Variants in BRD10 observed in about 807,000 individuals in gnomAD.
BRD10 encodes the protein bromodomain containing 10, also known as uncharacterized bromodomain-containing protein 10.
the BRD10 span, among the ~76,000 whole-genome samples, chr9:5,996,634 GTAAC>G: frequency 2.0e-5 from 3 of 152,248 alleles, no homozygotes; most frequent in African/African-American, 7.2e-5. Context: ...CCCGAGCCAT[GTAAC>G]TAATTTTTAA....
chr9:5,958,805 CA>C, the BRD10 span, among the ~76,000 whole-genome samples: 1 of 152,066 alleles, frequency 6.6e-6, no homozygotes, highest in African/African-American at 2.4e-5. Context: ...AGTAAAAACT[CA>C]AGGGTATTTG....
the BRD10 span, among the ~76,000 whole-genome samples, chr9:5,926,981 A>G: frequency 1.3e-5 from 2 of 152,158 alleles, no homozygotes; most frequent in African/African-American, 2.4e-5. Context: ...TAGGTTTTCA[A>G]TTATTGTTAA....
chr9:5,941,574 C>G, the BRD10 span, among the ~76,000 whole-genome samples: 1 of 152,122 alleles, frequency 6.6e-6, no homozygotes, highest in Admixed American at 6.6e-5. Context: ...ATCAAGTGAA[C>G]TGCGTATAAA....
chr9:5,973,814 C>G, the BRD10 span, among the ~76,000 whole-genome samples: 1 of 152,092 alleles, frequency 6.6e-6, no homozygotes, highest in East Asian at 1.9e-4. Flanking sequence ...CCCAGGAGGT[C>G]AAGGTTGCAG....
chr9:5,920,805 C>G, the BRD10 span: 9 of 1,614,004 alleles, frequency 5.6e-6, no homozygotes, highest in Non-Finnish European at 7.6e-6. Flanking sequence ...TTAGGAGACA[C>G]TACTGGTTGT....
At chr9:5,997,799 G>A in the BRD10 span, among the ~76,000 whole-genome samples, 1 of 152,098 alleles carries the variant, frequency 6.6e-6, no homozygotes, top group East Asian at 1.9e-4. Context: ...GCACTTATAG[G>A]TAGTGGGGTA....
chr9:5,899,072 A>C, the BRD10 span: 3 of 152,244 alleles, frequency 2.0e-5, no homozygotes, highest in Non-Finnish European at 4.4e-5. Flanking sequence ...GCTTAAAGCC[A>C]GGTAGCACTT....
chr9:5,888,326 T>C, the BRD10 span, among the ~76,000 whole-genome samples: 1 of 152,230 alleles, frequency 6.6e-6, no homozygotes, highest in South Asian at 2.1e-4. Flanking sequence ...ACTGTGATTT[T>C]TGCACTGTCG....
the BRD10 span, chr9:6,007,139 TGTGA>T: frequency 7.9e-6 from 12 of 1,528,088 alleles, no homozygotes; most frequent in African/African-American, 6.8e-5. Flanking sequence ...CTCGGGCACG[TGTGA>T]GTGTGTGTTT....
At chr9:5,908,743 T>C in the BRD10 span, 1 of 1,581,764 alleles carries the variant, frequency 6.3e-7, no homozygotes. Context: ...GCTGAAATTA[T>C]TTCTCTCACA....
the BRD10 span, among the ~76,000 whole-genome samples, chr9:5,911,039 A>G: frequency 9.9e-5 from 15 of 152,260 alleles, no homozygotes; most frequent in Admixed American, 7.2e-4. Flanking sequence ...GAAGCTTCTT[A>G]ACTTGATGTG....
the BRD10 span, among the ~76,000 whole-genome samples, chr9:5,880,802 T>A: frequency 2.0e-5 from 3 of 150,874 alleles, no homozygotes; most frequent in Non-Finnish European, 4.4e-5. Context: ...CTTCCCAGGC[T>A]CAAGCAATTC....
At chr9:5,913,215 T>G in the BRD10 span, among the ~76,000 whole-genome samples, 1 of 152,248 alleles carries the variant, frequency 6.6e-6, no homozygotes, top group Non-Finnish European at 1.5e-5. Context: ...TTATCTCTGG[T>G]GGAGACCAGT....
the BRD10 span, among the ~76,000 whole-genome samples, chr9:5,928,165 A>G: frequency 6.6e-6 from 1 of 152,026 alleles, no homozygotes; most frequent in Non-Finnish European, 1.5e-5. Context: ...ACTTTCTCTC[A>G]TACTCCACAT....
chr9:5,891,844 T>A, the BRD10 span, among the ~76,000 whole-genome samples: 1 of 152,318 alleles, frequency 6.6e-6, no homozygotes. Context: ...GTGGAGTGCC[T>A]GGGGACAGGC....
the BRD10 span, among the ~76,000 whole-genome samples, chr9:5,931,460 T>G: frequency 6.6e-6 from 1 of 152,218 alleles, no homozygotes; most frequent in Non-Finnish European, 1.5e-5. Flanking sequence ...CATGGAGAAA[T>G]ATACTACTGA....
chr9:5,991,194 A>G, the BRD10 span, among the ~76,000 whole-genome samples: 1 of 151,116 alleles, frequency 6.6e-6, no homozygotes, highest in Non-Finnish European at 1.5e-5. Flanking sequence ...ATATATATAT[A>G]TATATATCAT....
the BRD10 span, among the ~76,000 whole-genome samples, chr9:6,001,766 G>C: frequency 6.6e-6 from 1 of 152,042 alleles, no homozygotes; most frequent in African/African-American, 2.4e-5. Flanking sequence ...TTTAATCCCA[G>C]CTATCCACTC....
chr9:5,969,892 T>A, the BRD10 span, among the ~76,000 whole-genome samples: 1 of 152,088 alleles, frequency 6.6e-6, no homozygotes, highest in African/African-American at 2.4e-5. Context: ...AACAGTACCA[T>A]TTTGCTTTTT....
Sources: allele counts gnomAD v4.1 joint callset (sites outside exome capture counted in the v4.1 genomes callset), GRCh38; gene constraint gnomAD v4.1.1; transcripts MANE v1.5; gene names NCBI Gene and HGNC (gene_info 2026-07-23, HGNC 2026-07-21).